Variants in RIPPLY3 observed in about 807,000 individuals in gnomAD.
RIPPLY3 encodes the protein protein ripply3.
A neutral mutation model predicts 11.9 loss-of-function variants in RIPPLY3; 8 were observed. The ratio of observed to expected loss-of-function variants is 0.67; its 90% CI spans 0.40 to 1.21. The LOEUF (loss-of-function observed/expected upper bound fraction) is 1.21. Among genes scored for constraint, RIPPLY3 ranks in the 50% most tolerant of loss-of-function variants. The probability of loss-of-function intolerance (pLI) is 0.01; values close to 1 mark genes in which losing one functional copy is unlikely to be tolerated. For synonymous variants in RIPPLY3, 102 were observed against 99.0 expected (o/e 1.03, Z -0.18); for missense variants, 271 against 246.0 (o/e 1.10, Z -0.68).
intron 1 of RIPPLY3, among the ~76,000 whole-genome samples, chr21:37,007,652 A>G (rs973964524): frequency 3.3e-5 from 5 of 152,020 alleles, no homozygotes; most frequent in African/African-American, 1.2e-4. Context: ...CGAGTGATCC[A>G]GTAACCTCAG....
intron 3 of RIPPLY3, among the ~76,000 whole-genome samples, chr21:37,017,538 G>A (rs752602340): frequency 1.4e-4 from 21 of 152,144 alleles, no homozygotes; most frequent in Non-Finnish European, 2.5e-4. Flanking sequence ...AGTCAAGTCC[G>A]CTATTTGATC....
rs1468896179 is a variant in RIPPLY3, at chr21:37,019,383, T to C, written c.*1176T>C. ...AAGGAGGCCTGTGTGTATGAATTTA[T>C]AGGGAGTAGAACCGTCTCTCTTCTT... On this transcript the variant is annotated 3_prime_UTR_variant, in exon 4 of 4. Coordinates refer to ENST00000329553, the MANE Select transcript of RIPPLY3 (RefSeq NM_018962.3). 1.3e-5 allele frequency: 2 copies of C among 152,128 alleles called. No individual in the cohort carries two copies. Among genetic ancestry groups the C allele is most frequent in the African/African-American group, 4.8e-5 (2 of 41,432 alleles). The allele number at this position is 152,128 out of a possible 1,614,324, so 9.4% of individuals were successfully genotyped here. A position where few individuals can be genotyped will look rare whatever the true frequency, so the allele number is the denominator to read the frequency against.
chr21:37,015,471 T>C (rs73198038), intron 3 of RIPPLY3, among the ~76,000 whole-genome samples: 32,086 of 152,108 alleles, frequency 0.21, 3,628 homozygotes, highest in South Asian at 0.39. Context: ...CACCCGGCCA[T>C]TCTGTTTTTG....
intron 3 of RIPPLY3, among the ~76,000 whole-genome samples, chr21:37,017,455 C>T (rs1366307734): frequency 6.6e-6 from 1 of 152,052 alleles, no homozygotes; most frequent in Non-Finnish European, 1.5e-5. Context: ...CAGCATTTCC[C>T]ATGCTGCAGG....
chr21:37,014,173 CTGGG>C (rs1569286946), intron 3 of RIPPLY3, among the ~76,000 whole-genome samples: 6 of 152,028 alleles, frequency 3.9e-5, no homozygotes, highest in Non-Finnish European at 8.8e-5. Flanking sequence ...AAAAAATTAG[CTGGG>C]CATGGTGGTG....
At chr21:37,008,028 G>A in intron 1 of RIPPLY3, 129 bp from the exon 2 acceptor site, 3 of 853,986 alleles carry the variant, frequency 3.5e-6, no homozygotes, top group Non-Finnish European at 5.5e-6. Flanking sequence ...AGAACTCCAG[G>A]GAAAGTTCCT....
At chr21:37,017,813 T>G (rs1601100660) in intron 3 of RIPPLY3, 61 bp from the exon 4 acceptor site, 1 of 1,428,868 alleles carries the variant, frequency 7.0e-7, no homozygotes, top group Non-Finnish European at 9.5e-7. Context: ...AAGCACCCTC[T>G]AGAAGCAATT....
At position 37,019,486 on chromosome 21, in the gene RIPPLY3, C is replaced by G. The variant is rs1014912186; in HGVS notation, c.*1279C>G. ...AATTTTTTATTTTTTTAACCCTACC[C>G]TTAACCCATGAACACTATTTTTAAT... On this transcript the variant is annotated 3_prime_UTR_variant, in exon 4 of 4. Transcript: ENST00000329553. 6.6e-6 allele frequency: 1 copy of G among 151,896 alleles called. No homozygotes were observed. Among genetic ancestry groups the G allele is most frequent in the Non-Finnish European group, 1.5e-5 (1 of 67,990 alleles). 9.4% of individuals were successfully genotyped at this position (151,896 alleles called of 1,614,324 possible).
chr21:37,015,681 G>T (rs775856283), intron 3 of RIPPLY3, among the ~76,000 whole-genome samples: 2 of 151,836 alleles, frequency 1.3e-5, no homozygotes, highest in African/African-American at 4.8e-5. Flanking sequence ...TTTATCACCC[G>T]CAACTATGTT....
chr21:37,019,548 T>C lies in RIPPLY3; in HGVS notation c.*1341T>C, dbSNP rs2069619529. On this transcript the variant is annotated 3_prime_UTR_variant, in exon 4 of 4. Coordinates refer to ENST00000329553, the MANE Select transcript of RIPPLY3 (RefSeq NM_018962.3). ...ATGTAAAATTATTTTGAGTTTTTAA[T>C]ATTTTGATAAACGTGTATTCCTGAA... 1 of 152,174 alleles carries C rather than the reference T, an allele frequency of 6.6e-6. No individual in the cohort carries two copies. The highest frequency in any genetic ancestry group is 2.4e-5 in the African/African-American group (1 of 41,458). The allele number at this position is 152,174 out of a possible 1,614,324, so 9.4% of individuals were successfully genotyped here.
chr21:37,017,819 C>G, intron 3 of RIPPLY3, 55 bp from the exon 4 acceptor site: 1 of 1,459,838 alleles, frequency 6.9e-7, no homozygotes, highest in Non-Finnish European at 9.3e-7. Context: ...CCTCTAGAAG[C>G]AATTTAGGAC....
At chr21:37,008,630 C>A (rs1278460907) in intron 2 of RIPPLY3, among the ~76,000 whole-genome samples, 1 of 151,770 alleles carries the variant, frequency 6.6e-6, no homozygotes, top group Non-Finnish European at 1.5e-5. Flanking sequence ...TGGTGGCAGG[C>A]GCCTGTAATC....
At chr21:37,011,929 CAAAAAAAAAAAAAAAAAA>C (rs59382996) in intron 2 of RIPPLY3, among the ~76,000 whole-genome samples, 1 of 47,102 alleles carries the variant, frequency 2.1e-5, no homozygotes, top group Non-Finnish European at 3.8e-5. Flanking sequence ...GACTCCGTCT[CAAAAAAAAAAAAAAAAAA>C]AAAAAAAAAA....
At chr21:37,010,511 C>CA (rs760862125) in intron 2 of RIPPLY3, among the ~76,000 whole-genome samples, 12 of 152,034 alleles carry the variant, frequency 7.9e-5, no homozygotes, top group South Asian at 4.2e-4. Context: ...AAATAAAACC[C>CA]AAAAAACCCT....
At chr21:37,011,851 G>C (rs1201452083) in intron 2 of RIPPLY3, among the ~76,000 whole-genome samples, 1 of 149,254 alleles carries the variant, frequency 6.7e-6, no homozygotes, top group Non-Finnish European at 1.5e-5. Context: ...TACTCGGGAG[G>C]CTGAGGCAGG....
At chr21:37,016,210 G>A (rs374483) in intron 3 of RIPPLY3, among the ~76,000 whole-genome samples, 47,151 of 151,872 alleles carry the variant, frequency 0.31, 8,996 homozygotes, top group Non-Finnish European at 0.43. Flanking sequence ...AATTCTTCAC[G>A]GTGGGAACTA....
intron 2 of RIPPLY3, among the ~76,000 whole-genome samples, chr21:37,011,996 A>AG: frequency 6.7e-6 from 1 of 149,902 alleles, no homozygotes; most frequent in South Asian, 2.1e-4. Context: ...GGCTCCTTAC[A>AG]GGCGAATTTG....
rs1472266144 is a variant in RIPPLY3 at position 37,018,164 on chromosome 21, A to T, written c.530A>T (p.Gln177Leu). Residue 177 changes from glutamine (Q) to leucine (L), a missense_variant, in exon 4 of 4, where the codon CAA becomes CTA. Physicochemically the swap from Gln to Leu is moderately radical, Grantham distance 113 (BLOSUM62 -2). Coordinates refer to ENST00000329553, the MANE Select transcript of RIPPLY3 (RefSeq NM_018962.3). ...CACTGGGGGGAGGGTCCGCTCCCTC[A>T]AGGTGTCTCCTCAAGGGGTGGCAAG... ...GDHWGEGPLP[Q>L]GVSSRGGKCS... The T allele has an allele frequency of 1.9e-6, 3 of 1,613,848 alleles. No individual in the cohort carries two copies. Among genetic ancestry groups the T allele is most frequent in the African/African-American group, 1.3e-5 (1 of 74,912 alleles).
At chr21:37,008,086 G>C (rs1301732377) in intron 1 of RIPPLY3, 71 bp from the exon 2 acceptor site, 1 of 1,521,742 alleles carries the variant, frequency 6.6e-7, no homozygotes, top group Middle Eastern at 1.7e-4. Context: ...ACTAAGAATA[G>C]CTCTCATGGC....
Sources: allele counts gnomAD v4.1 joint callset (sites outside exome capture counted in the v4.1 genomes callset), GRCh38; gene constraint gnomAD v4.1.1; transcripts MANE v1.5; gene names NCBI Gene and HGNC (gene_info 2026-07-23, HGNC 2026-07-21).